The following LIPC variants were observed in gnomAD, a reference collection of about 807,000 sequenced individuals.
LIPC encodes hepatic triacylglycerol lipase.
LIPC carries 44 observed loss-of-function variants against 50.7 expected under a neutral mutation model. The ratio of observed to expected loss-of-function variants is 0.87; its 90% CI spans 0.68 to 1.11. LIPC has a LOEUF of 1.11. LIPC is among the 50% of genes most tolerant of loss of function. The pLI, the probability that LIPC is intolerant of heterozygous loss-of-function variation, is 0.00. For missense variants in LIPC, 697 were observed against 648.2 expected, an observed-to-expected ratio of 1.08 and a Z score of -0.82; for synonymous variants, 271 against 256.4, an observed-to-expected ratio of 1.06 and a Z score of -0.54.
intron 1 of LIPC, among the ~76,000 whole-genome samples, chr15:58,453,101 A>G (rs2140680358): frequency 6.6e-6 from 1 of 152,164 alleles, no homozygotes; most frequent in South Asian, 2.1e-4. Flanking sequence ...CTGAGGATTG[A>G]TGGGAGCTGA....
At chr15:58,466,756 T>C (rs1299030385) in intron 1 of LIPC, among the ~76,000 whole-genome samples, 1 of 152,206 alleles carries the variant, frequency 6.6e-6, no homozygotes, top group Non-Finnish European at 1.5e-5. Flanking sequence ...CCTTCCAGCA[T>C]CTCAGTCAGC....
chr15:58,520,376 C>T (rs907311280), intron 1 of LIPC, among the ~76,000 whole-genome samples: 1 of 152,170 alleles, frequency 6.6e-6, no homozygotes, highest in African/African-American at 2.4e-5. Flanking sequence ...GATGCTAGAG[C>T]ACAACGTCTA....
At chr15:58,534,973 C>T (rs919577794) in intron 1 of LIPC, among the ~76,000 whole-genome samples, 1 of 152,210 alleles carries the variant, frequency 6.6e-6, no homozygotes, top group Non-Finnish European at 1.5e-5. Context: ...CAAAATAAGT[C>T]TAGTCTACCT....
In LIPC at chr15:58,515,533, C is replaced by CACACATATATAT. The variant is rs147594972; in HGVS notation, c.89-22799_89-22798insCACATATATATA. Among the ~76,000 whole-genome samples the CACACATATATAT allele has an allele frequency of 1.8e-4, 25 of 141,730 alleles. 1 individual carries two copies. The highest frequency in any genetic ancestry group is 2.4e-4 in the Non-Finnish European group (16 of 66,254). 93.0% of individuals were successfully genotyped at this position (141,730 alleles called of 152,430 possible). A position where few individuals can be genotyped will look rare whatever the true frequency, so the allele number is the denominator to read the frequency against. On this transcript the variant is annotated intron_variant, in intron 1 of 8. Coordinates refer to ENST00000299022, the MANE Select transcript of LIPC (RefSeq NM_000236.3). ...AAAGAGGTCTTTGCATATACACACA[C>CACACATATATAT]ATATATATATATATATATATCTCAA... is the stretch of plus-strand genomic sequence containing the variant.
intron 6 of LIPC, among the ~76,000 whole-genome samples, chr15:58,549,409 G>A (rs1323836028): frequency 1.3e-5 from 2 of 152,208 alleles, no homozygotes; most frequent in Admixed American, 6.5e-5. Context: ...TAAACAGGCC[G>A]TCACCACCAC....
At chr15:58,504,345 T>C (rs1892078147) in intron 1 of LIPC, among the ~76,000 whole-genome samples, 1 of 152,346 alleles carries the variant, frequency 6.6e-6, no homozygotes, top group African/African-American at 2.4e-5. Flanking sequence ...TTATTATACA[T>C]TATGGCCACC....
At chr15:58,480,801 G>T in intron 1 of LIPC, among the ~76,000 whole-genome samples, 1 of 152,124 alleles carries the variant, frequency 6.6e-6, no homozygotes, top group East Asian at 1.9e-4. Flanking sequence ...CTTCCAATGT[G>T]GCCCAGGGAA....
Position 58,444,778 on chromosome 15 carries a change from A to G in LIPC, c.88+12658A>G, listed in dbSNP as rs558705038. On this transcript the variant is annotated intron_variant, in intron 1 of 8. Transcript: ENST00000299022. ...TGAGGTACTGAGGGTTAGAACTTCA[A>G]TGTATGAATTTGAGGGAACACAAAG... Among the ~76,000 whole-genome samples the G allele has an allele frequency of 9.9e-5, 15 of 152,272 alleles. 1 individual carries two copies. In the South Asian group the frequency reaches 2.7e-3, roughly 27 times the overall value.
intron 4 of LIPC, among the ~76,000 whole-genome samples, chr15:58,543,640 T>C (rs12593954): frequency 0.062 from 9,379 of 151,820 alleles, 569 homozygotes; most frequent in East Asian, 0.28. Context: ...AGTGAGGACA[T>C]TTTTTTTTCT....
At chr15:58,490,903 C>T (rs1255113356) in intron 1 of LIPC, among the ~76,000 whole-genome samples, 2 of 152,158 alleles carry the variant, frequency 1.3e-5, no homozygotes, top group South Asian at 2.1e-4. Flanking sequence ...GTGGAGGATA[C>T]TAATTACACC....
chr15:58,457,402 G>A (rs781590213), intron 1 of LIPC, among the ~76,000 whole-genome samples: 10 of 152,124 alleles, frequency 6.6e-5, no homozygotes, highest in Non-Finnish European at 1.5e-4. Flanking sequence ...GAGCCACCGC[G>A]CCCGGCAGAC....
At chr15:58,513,204 T>A (rs1371248072) in intron 1 of LIPC, among the ~76,000 whole-genome samples, 1 of 152,150 alleles carries the variant, frequency 6.6e-6, no homozygotes, top group African/African-American at 2.4e-5. Flanking sequence ...ATATTCCACA[T>A]CCCCTTCTGC....
intron 1 of LIPC, among the ~76,000 whole-genome samples, chr15:58,524,408 T>A (rs1220489178): frequency 2.0e-5 from 3 of 152,238 alleles, no homozygotes; most frequent in African/African-American, 7.2e-5. Context: ...TGACCTTGCA[T>A]TAATTTCATT....
intron 1 of LIPC, among the ~76,000 whole-genome samples, chr15:58,451,434 C>T (rs1893895829): frequency 6.6e-6 from 1 of 152,156 alleles, no homozygotes; most frequent in Admixed American, 6.5e-5. Flanking sequence ...ATTCGCTCCC[C>T]ACCCCCTTCT....
chr15:58,457,408 C>G (rs967377843), intron 1 of LIPC, among the ~76,000 whole-genome samples: 6 of 152,328 alleles, frequency 3.9e-5, no homozygotes, highest in Admixed American at 3.9e-4. Context: ...CCGCGCCCGG[C>G]AGACATGACG....
intron 1 of LIPC, among the ~76,000 whole-genome samples, chr15:58,452,732 G>T (rs1470405095): frequency 6.6e-6 from 1 of 150,766 alleles, no homozygotes; most frequent in African/African-American, 2.4e-5. Flanking sequence ...GGGTGGAGTG[G>T]GATGGGGTGG....
Position 58,515,533 on chromosome 15 carries a change from C to CACATATATATATATATATATAT in LIPC, c.89-22799_89-22798insCATATATATATATATATATATA, listed in dbSNP as rs147594972. On this transcript the variant is annotated intron_variant, in intron 1 of 8. Coordinates refer to ENST00000299022, the MANE Select transcript of LIPC (RefSeq NM_000236.3). The stretch of plus-strand genomic sequence containing the variant: ...AAAGAGGTCTTTGCATATACACACA[C>CACATATATATATATATATATAT]ATATATATATATATATATATCTCAA... 5.4e-4 allele frequency among the ~76,000 whole-genome samples: 76 copies of CACATATATATATATATATATAT among 141,698 alleles called. 1 individual carries two copies. The highest frequency in any genetic ancestry group is 1.7e-3 in the African/African-American group (64 of 36,904). 93.0% of individuals were successfully genotyped at this position (141,698 alleles called of 152,430 possible). A position where few individuals can be genotyped will look rare whatever the true frequency, so the allele number is the denominator to read the frequency against.
chr15:58,498,996 C>T (rs1387321977), intron 1 of LIPC, among the ~76,000 whole-genome samples: 1 of 152,156 alleles, frequency 6.6e-6, no homozygotes, highest in East Asian at 1.9e-4. Flanking sequence ...GGAGGCTGGG[C>T]CTGTCAACGG....
chr15:58,469,864 G>A (rs551278830), intron 1 of LIPC, among the ~76,000 whole-genome samples: 3 of 152,076 alleles, frequency 2.0e-5, no homozygotes, highest in African/African-American at 7.2e-5. Context: ...GAGAATAGAG[G>A]AGCTGATGGG....
Sources: gnomAD v4.1 joint callset for allele counts (sites outside exome capture counted in the v4.1 genomes callset) on GRCh38, gnomAD v4.1.1 for gene constraint, MANE v1.5 for transcripts, NCBI Gene and HGNC (gene_info 2026-07-23, HGNC 2026-07-21) for gene names.